GRAMD1B: variants seen among roughly 807,000 people sequenced by gnomAD.
The protein encoded by GRAMD1B is protein Aster-B.
GRAMD1B carries 37 observed loss-of-function variants against 99.7 expected under a neutral mutation model. That is an observed-to-expected ratio of 0.37 (90% confidence interval 0.29 to 0.49). GRAMD1B has a LOEUF of 0.49. Among genes scored for constraint, GRAMD1B ranks in the 20% least tolerant of loss-of-function variants. GRAMD1B has a pLI of 0.98. For synonymous variants in GRAMD1B, 427 were observed against 387.6 expected (o/e 1.10, Z -1.19); for missense variants, 888 against 1,009.2 (o/e 0.88, Z 1.63).
intron 2 of GRAMD1B, chr11:123,560,579 A>G: frequency 2.5e-6 from 1 of 407,254 alleles, no homozygotes. Flanking sequence ...CCCGCCCCCC[A>G]CTGCCCAATG....
At chr11:123,461,788 A>G (rs530312469) in intron 1 of GRAMD1B, among the ~76,000 whole-genome samples, 58 of 151,596 alleles carry the variant, frequency 3.8e-4, no homozygotes, top group Middle Eastern at 3.4e-3. Context: ...TATTTTTAGT[A>G]GAGACGGGGG....
chr11:123,518,859 A>G (rs899919737), intron 2 of GRAMD1B, among the ~76,000 whole-genome samples: 1 of 152,208 alleles, frequency 6.6e-6, no homozygotes, highest in African/African-American at 2.4e-5. Flanking sequence ...GATATTGCTC[A>G]TCCTGTTTAT....
In GRAMD1B at chr11:123,624,098, C is replaced by T. The variant is rs865830450; in HGVS notation, c.*1503C>T. 1.5e-4 allele frequency: 23 copies of T among 152,284 alleles called. No individual in the cohort carries two copies. The highest frequency in any genetic ancestry group is 3.4e-3 in the Middle Eastern group (1 of 294). 9.4% of individuals were successfully genotyped at this position (152,284 alleles called of 1,614,324 possible). A position where few individuals can be genotyped will look rare whatever the true frequency, so the allele number is the denominator to read the frequency against. ...AATGACCAAAAGAGTCCCACCAGCT[C>T]CAGGCAGAGCTTGTGGAGATTCATG... On this transcript the variant is annotated 3_prime_UTR_variant, in exon 20 of 20. Coordinates refer to ENST00000635736, the MANE Select transcript of GRAMD1B (RefSeq NM_001387025.1).
At chr11:123,567,779 G>A (rs1947557563) in intron 2 of GRAMD1B, among the ~76,000 whole-genome samples, 2 of 152,168 alleles carry the variant, frequency 1.3e-5, no homozygotes, top group Admixed American at 1.3e-4. Flanking sequence ...CTCCTTGCCT[G>A]AGCAGGAAAG....
intron 2 of GRAMD1B, among the ~76,000 whole-genome samples, chr11:123,485,376 GCT>G (rs1293587252): frequency 6.6e-6 from 1 of 152,082 alleles, no homozygotes; most frequent in East Asian, 1.9e-4. Flanking sequence ...AGACTACGTA[GCT>G]ACCTTACTCT....
chr11:123,420,942 T>C (rs965847733), intron 1 of GRAMD1B, among the ~76,000 whole-genome samples: 2 of 152,224 alleles, frequency 1.3e-5, no homozygotes, highest in African/African-American at 4.8e-5. Flanking sequence ...TCTGAAAATT[T>C]TCAGGACACT....
rs772471280 is a variant in GRAMD1B, at chr11:123,622,537, G to A, written c.2576G>A (p.Gly859Asp). Residue 859 changes from glycine to aspartate, a missense_variant, in exon 20 of 20, where the codon GGC becomes GAC. By Grantham distance (94) the Gly-to-Asp change is moderately conservative (BLOSUM62 -1). Around this residue, in one of 5 missense-constraint regions of GRAMD1B, gnomAD observed 232 missense variants for 261.7 expected, o/e 0.89. Transcript: ENST00000635736. ...GACTCGCTCATCAACCTTCAGAACGGCATCAGGTCCCGCGACTACACGTCG... is the reference window on the plus strand; with the variant it reads ...GACTCGCTCATCAACCTTCAGAACGACATCAGGTCCCGCGACTACACGTCG... ...MKDSLINLQN[G>D]IRSRDYTSES... 3.8e-6 allele frequency: 6 copies of A among 1,558,568 alleles called. No individual in the cohort carries two copies. Among genetic ancestry groups the A allele is most frequent in the Non-Finnish European group, 5.2e-6 (6 of 1,150,910 alleles).
chr11:123,439,455 C>T (rs1040938779), intron 1 of GRAMD1B, among the ~76,000 whole-genome samples: 4 of 152,152 alleles, frequency 2.6e-5, no homozygotes, highest in East Asian at 1.9e-4. Context: ...TCATATAGCT[C>T]GAAATCCTCA....
At chr11:123,371,052 G>C (rs969380696) in intron 1 of GRAMD1B, among the ~76,000 whole-genome samples, 1 of 132,422 alleles carries the variant, frequency 7.6e-6, no homozygotes, top group African/African-American at 2.8e-5. Context: ...ATGGATTGCA[G>C]ATTGAGATCT....
intron 1 of GRAMD1B, among the ~76,000 whole-genome samples, chr11:123,387,241 T>C (rs1947095372): frequency 1.3e-5 from 2 of 152,206 alleles, no homozygotes; most frequent in African/African-American, 4.8e-5. Flanking sequence ...CTAATGGCTC[T>C]GGATGTGAAG....
chr11:123,588,168 T>C (rs1437607987), intron 4 of GRAMD1B, among the ~76,000 whole-genome samples: 2 of 151,788 alleles, frequency 1.3e-5, no homozygotes, highest in Admixed American at 6.6e-5. Flanking sequence ...AACTGGTTTC[T>C]TCCTAGCTGA....
At chr11:123,618,603 G>A in intron 17 of GRAMD1B, 90 bp from the exon 18 acceptor site, 2 of 844,914 alleles carry the variant, frequency 2.4e-6, no homozygotes, top group Non-Finnish European at 4.1e-6. Context: ...TGGCCCACCG[G>A]TCAGGGACAG....
rs1425513062 is a variant in GRAMD1B, at chr11:123,610,949, A to C, written c.1919+611A>C. Among the ~76,000 whole-genome samples the C allele has an allele frequency of 6.6e-6, 1 of 152,240 alleles. No individual in the cohort carries two copies. The highest frequency in any genetic ancestry group is 1.5e-5 in the Non-Finnish European group (1 of 68,044). On this transcript the variant is annotated intron_variant, in intron 14 of 19. Transcript: ENST00000635736. This position sits in a 1 kb window ranked among gnomAD's most constrained non-coding sequence, Gnocchi z 4.1. ...GAAGTGCTTCCAAAGGAAGGAAGAC[A>C]TTTAGACCCTGACATTTTAAGAAAC...
intron 1 of GRAMD1B, among the ~76,000 whole-genome samples, chr11:123,399,880 A>G (rs999045283): frequency 2.0e-5 from 3 of 152,156 alleles, no homozygotes; most frequent in Non-Finnish European, 4.4e-5. Context: ...CCTAACTCCC[A>G]AAGTGCTGGG....
Position 123,610,023 on chromosome 11 carries a change from T to C in GRAMD1B, c.1776+110T>C, listed in dbSNP as rs2136943929. ...AAGTTTCAGGGCGCAAGTGTCATTT[T>C]GCCCCAAAGCGGTGGTGGCGTCTTG... On this transcript the variant is annotated intron_variant, in intron 13 of 19. Coordinates refer to ENST00000635736, the MANE Select transcript of GRAMD1B (RefSeq NM_001387025.1). This position sits in a 1 kb window ranked among gnomAD's most constrained non-coding sequence, Gnocchi z 4.1. The C allele has an allele frequency of 1.2e-6, 1 of 840,542 alleles. No homozygotes were observed. The highest frequency in any genetic ancestry group is 2.7e-5 in the East Asian group (1 of 36,994). The allele number at this position is 840,542 out of a possible 1,614,324, so 52.1% of individuals were successfully genotyped here.
At chr11:123,578,401 T>C in intron 3 of GRAMD1B, 1 of 1,524,054 alleles carries the variant, frequency 6.6e-7, no homozygotes, top group Non-Finnish European at 8.8e-7. Context: ...TTTGCATGCA[T>C]GGTCTTAGTC....
At chr11:123,426,834 G>C, upstream of GRAMD1B, among the ~76,000 whole-genome samples, 1 of 152,188 alleles carries the variant, frequency 6.6e-6, no homozygotes, top group East Asian at 1.9e-4. Flanking sequence ...TTTCACTAAA[G>C]TTTTCCCCTG....
chr11:123,566,744 A>T (rs1447501309), intron 2 of GRAMD1B, among the ~76,000 whole-genome samples: 1 of 151,780 alleles, frequency 6.6e-6, no homozygotes, highest in African/African-American at 2.4e-5. Flanking sequence ...CTAGCCTGGG[A>T]GACAGAGCGA....
chr11:123,450,486 C>T (rs1247724828), intron 1 of GRAMD1B, among the ~76,000 whole-genome samples: 1 of 152,192 alleles, frequency 6.6e-6, no homozygotes, highest in Non-Finnish European at 1.5e-5. Flanking sequence ...AGGGGCTTCT[C>T]TAGTGGGGTA....
Sources: gnomAD v4.1 joint callset for allele counts (sites outside exome capture counted in the v4.1 genomes callset) on GRCh38, gnomAD v4.1.1 for gene constraint, gnomAD v4.1.1 regional missense constraint, Gnocchi (gnomAD v3.1) non-coding constraint, MANE v1.5 for transcripts, NCBI Gene and HGNC (gene_info 2026-07-23, HGNC 2026-07-21) for gene names.